The following MAP4K4 variants were observed in gnomAD, a reference collection of about 807,000 sequenced individuals.
MAP4K4 encodes the protein mitogen-activated protein kinase kinase kinase kinase 4.
MAP4K4 carries 38 observed loss-of-function variants against 189.6 expected under a neutral mutation model. The observed-to-expected ratio is 0.20, with a 90% confidence interval of 0.15 to 0.26. The LOEUF (loss-of-function observed/expected upper bound fraction) is 0.26. Ranked by LOEUF, MAP4K4 falls within the 10% of genes least tolerant of loss-of-function variation. The pLI is 1.00. For missense variants in MAP4K4, 1,054 were observed against 1,726.9 expected (o/e 0.61, Z 6.91); for synonymous variants, 610 against 624.3 (o/e 0.98, Z 0.34).
At chr2:101,779,533 T>C (rs1283056058) in intron 2 of MAP4K4, among the ~76,000 whole-genome samples, 1 of 152,244 alleles carries the variant, frequency 6.6e-6, no homozygotes, top group Non-Finnish European at 1.5e-5. Flanking sequence ...TTTAATAATA[T>C]GGTTACTTGT....
At chr2:101,860,062 C>T in intron 15 of MAP4K4, 198 bp downstream of exon 15, 1 of 614,168 alleles carries the variant, frequency 1.6e-6, no homozygotes. Flanking sequence ...GTGCTTTTTC[C>T]ATAAAGGACC....
chr2:101,836,370 A>AG (rs2096752622), intron 9 of MAP4K4, among the ~76,000 whole-genome samples: 1 of 152,220 alleles, frequency 6.6e-6, no homozygotes. Flanking sequence ...GGATCACCTG[A>AG]GGTCAGGAGT....
intron 22 of MAP4K4, 194 bp downstream of exon 22, chr2:101,869,991 G>A (rs924736239): frequency 2.9e-6 from 2 of 689,184 alleles, no homozygotes; most frequent in Non-Finnish European, 4.7e-6. Flanking sequence ...GCTTCCCCCA[G>A]CACCCCAGCG....
At chr2:101,771,636 CTA>C (rs1371830130) in intron 2 of MAP4K4, among the ~76,000 whole-genome samples, 2 of 152,154 alleles carry the variant, frequency 1.3e-5, no homozygotes, top group Non-Finnish European at 1.5e-5. Flanking sequence ...TAAATCCACT[CTA>C]TTCTTAAGTG....
At chr2:101,752,797 G>T (rs973178264) in intron 2 of MAP4K4, among the ~76,000 whole-genome samples, 1 of 152,162 alleles carries the variant, frequency 6.6e-6, no homozygotes, top group Non-Finnish European at 1.5e-5. Flanking sequence ...AGTTTTACTG[G>T]CCGTGTCCAC....
chr2:101,857,403 G>GT (rs1472749823), intron 13 of MAP4K4, among the ~76,000 whole-genome samples: 1 of 152,170 alleles, frequency 6.6e-6, no homozygotes, highest in African/African-American at 2.4e-5. Flanking sequence ...TTGACTATGT[G>GT]TTAGGACCTT....
intron 4 of MAP4K4, among the ~76,000 whole-genome samples, chr2:101,825,066 G>A (rs985095862): frequency 1.5e-4 from 23 of 152,306 alleles, no homozygotes; most frequent in Admixed American, 8.5e-4. Flanking sequence ...GAGAGAATGA[G>A]CACTTCAGAA....
chr2:101,866,392 A>G, intron 18 of MAP4K4, 36 bp from the exon 19 acceptor site: 1 of 1,585,544 alleles, frequency 6.3e-7, no homozygotes, highest in Non-Finnish European at 8.6e-7. Flanking sequence ...TCTAGAGATG[A>G]CACATTAGCT....
intron 2 of MAP4K4, among the ~76,000 whole-genome samples, chr2:101,788,924 T>C (rs2092320553): frequency 1.3e-5 from 2 of 152,176 alleles, no homozygotes; most frequent in East Asian, 1.9e-4. Flanking sequence ...GGCTTTTTCA[T>C]AGACCCGTGG....
chr2:101,882,369 A>T (rs945441152), intron 27 of MAP4K4, among the ~76,000 whole-genome samples, 182 bp from the exon 28 acceptor site: 5 of 152,042 alleles, frequency 3.3e-5, no homozygotes, highest in African/African-American at 1.2e-4. Context: ...GTTTTTTTAC[A>T]TATTCTGGAT....
intron 3 of MAP4K4, among the ~76,000 whole-genome samples, chr2:101,816,386 CTG>C (rs1439564653): frequency 3.3e-5 from 5 of 152,212 alleles, no homozygotes; most frequent in Non-Finnish European, 7.3e-5. Flanking sequence ...TACAGAAACA[CTG>C]TTGCTTATCA....
intron 28 of MAP4K4, among the ~76,000 whole-genome samples, chr2:101,884,645 G>C (rs1363271327): frequency 6.6e-6 from 1 of 152,178 alleles, no homozygotes; most frequent in Non-Finnish European, 1.5e-5. Flanking sequence ...ATGGGAAGGA[G>C]GCAGTTTTAC....
In MAP4K4 at chr2:101,701,889, G is replaced by A. The variant is rs772522556; in HGVS notation, c.123+3351G>A. Among the ~76,000 whole-genome samples the A allele has an allele frequency of 2.6e-5, 4 of 152,062 alleles. No homozygotes were observed. In the East Asian group the frequency reaches 5.8e-4, roughly 22 times the overall value. On this transcript the variant is annotated intron_variant, in intron 2 of 32. Transcript: ENST00000324219. ...TTTTATTGTTATTTTGTTTTGAGAC[G>A]GAGGTTTGCTCTGTTGCCCAGGCTG... is the stretch of plus-strand genomic sequence containing the variant.
chr2:101,698,476 C>T, exon 2 of MAP4K4: 1 of 1,613,642 alleles, frequency 6.2e-7, no homozygotes, highest in Non-Finnish European at 8.5e-7. Flanking sequence ...TCTCCAGGAT[C>T]CTGCTGGGAT....
intron 18 of MAP4K4, among the ~76,000 whole-genome samples, chr2:101,866,030 G>C (rs763352579): frequency 2.6e-5 from 4 of 152,232 alleles, no homozygotes; most frequent in Non-Finnish European, 4.4e-5. Flanking sequence ...TTTGAGAACA[G>C]TAACAGGCAG....
intron 2 of MAP4K4, among the ~76,000 whole-genome samples, chr2:101,702,423 G>C (rs1189941152): frequency 6.6e-6 from 1 of 152,020 alleles, no homozygotes; most frequent in Non-Finnish European, 1.5e-5. Flanking sequence ...CGAAAAATTA[G>C]CCGGGTGTAG....
chr2:101,771,985 T>G (rs1392717292), intron 2 of MAP4K4, among the ~76,000 whole-genome samples: 1 of 152,224 alleles, frequency 6.6e-6, no homozygotes, highest in Non-Finnish European at 1.5e-5. Flanking sequence ...TCAGCAGGGT[T>G]TCTCTGTGGG....
intron 13 of MAP4K4, among the ~76,000 whole-genome samples, chr2:101,858,747 A>G (rs753700280): frequency 1.1e-4 from 17 of 152,196 alleles, no homozygotes; most frequent in Non-Finnish European, 2.5e-4. Flanking sequence ...GTGTTCTAAC[A>G]GAAGTACTCT....
At chr2:101,874,029 C>A in intron 25 of MAP4K4, 53 bp from the exon 26 acceptor site, 3 of 1,435,284 alleles carry the variant, frequency 2.1e-6, no homozygotes, top group Non-Finnish European at 2.9e-6. Context: ...GGAAGGGAGG[C>A]AGGCATAGTG....
Sources: allele counts gnomAD v4.1 joint callset (sites outside exome capture counted in the v4.1 genomes callset), GRCh38; gene constraint gnomAD v4.1.1; transcripts MANE v1.5; gene names NCBI Gene and HGNC (gene_info 2026-07-23, HGNC 2026-07-21).